TRHDE: variants seen among roughly 807,000 people sequenced by gnomAD.
TRHDE encodes the protein thyrotropin-releasing hormone-degrading ectoenzyme.
Under a neutral mutation model 125.7 loss-of-function variants are expected in TRHDE, and 72 were observed. The ratio of observed to expected loss-of-function variants is 0.57; its 90% CI spans 0.47 to 0.70. The LOEUF (loss-of-function observed/expected upper bound fraction) is 0.70. TRHDE is among the 30% of genes least tolerant of loss of function. TRHDE has a pLI of 0.00. For missense variants in TRHDE, 1,110 were observed against 1,327.1 expected (o/e 0.84, Z 2.54); for synonymous variants, 509 against 509.1 (o/e 1.00, Z 0.00).
At chr12:72,127,712 T>C (rs1304319460) in intron 2 of TRHDE, among the ~76,000 whole-genome samples, 1 of 152,070 alleles carries the variant, frequency 6.6e-6, no homozygotes, top group Non-Finnish European at 1.5e-5. Context: ...GAAAAACCAT[T>C]AGGTACTATG....
At chr12:72,213,313 G>A (rs1877821918) in intron 2 of TRHDE, among the ~76,000 whole-genome samples, 1 of 151,826 alleles carries the variant, frequency 6.6e-6, no homozygotes, top group Non-Finnish European at 1.5e-5. Flanking sequence ...AAACATTGAA[G>A]TGTACACATT....
chr12:72,660,609 G>A (rs1279254293), intron 18 of TRHDE, among the ~76,000 whole-genome samples: 1 of 152,126 alleles, frequency 6.6e-6, no homozygotes, highest in Non-Finnish European at 1.5e-5. Flanking sequence ...CCTAGTTTAT[G>A]TTAGTAATGC....
intron 2 of TRHDE, among the ~76,000 whole-genome samples, chr12:72,370,467 TG>T (rs1210299012): frequency 2.0e-5 from 3 of 152,202 alleles, no homozygotes; most frequent in Non-Finnish European, 1.5e-5. Context: ...GACTTGCTTG[TG>T]CCGACGGTAT....
chr12:72,570,085 G>A (rs545525255), intron 10 of TRHDE, among the ~76,000 whole-genome samples: 20 of 152,246 alleles, frequency 1.3e-4, no homozygotes, highest in Middle Eastern at 3.4e-3. Flanking sequence ...TCTTTGGAAG[G>A]TAGAATGGAA....
At position 72,648,377 on chromosome 12, in the gene TRHDE, T is replaced by C. The variant is rs889218704; in HGVS notation, c.2676-3945T>C. On this transcript the variant is annotated intron_variant, in intron 15 of 18. Coordinates refer to ENST00000261180, the MANE Select transcript of TRHDE (RefSeq NM_013381.3). ...CTCCTTTAACCACTTGTATTAAACATAGTACTGGAAACCTTAGCCAGAGAA... is the reference window on the plus strand; with the variant it reads ...CTCCTTTAACCACTTGTATTAAACACAGTACTGGAAACCTTAGCCAGAGAA... Among the ~76,000 whole-genome samples the C allele has an allele frequency of 3.3e-5, 5 of 152,022 alleles. 1 individual carries two copies. The highest frequency in any genetic ancestry group is 4.1e-4 in the South Asian group (2 of 4,828).
At chr12:72,192,423 G>T (rs1428053844) in intron 2 of TRHDE, among the ~76,000 whole-genome samples, 2 of 152,096 alleles carry the variant, frequency 1.3e-5, no homozygotes, top group African/African-American at 4.8e-5. Context: ...ATAATTAAGA[G>T]AAATTATTTG....
chr12:72,411,616 G>A lies in TRHDE; in HGVS notation c.1315+33495G>A, dbSNP rs777209856. On this transcript the variant is annotated intron_variant, in intron 3 of 18. Transcript: ENST00000261180. Reference sequence around the variant, plus strand: ...TGAATTTCAAATGGAATCTTAGCAGGCTCTTTTGTTCAATTCAACAAGCTT... The same window carrying A: ...TGAATTTCAAATGGAATCTTAGCAGACTCTTTTGTTCAATTCAACAAGCTT... 7.0e-4 allele frequency among the ~76,000 whole-genome samples: 106 copies of A among 151,962 alleles called. 1 individual carries two copies. Among genetic ancestry groups the A allele is most frequent in the Middle Eastern group, 3.4e-3 (1 of 294 alleles).
chr12:72,480,899 A>C (rs1479327321), intron 5 of TRHDE, among the ~76,000 whole-genome samples: 2 of 152,160 alleles, frequency 1.3e-5, no homozygotes, highest in Admixed American at 1.3e-4. Context: ...AATATATAAT[A>C]GTGGCCATAG....
chr12:72,182,646 C>A (rs1877117250), intron 2 of TRHDE, among the ~76,000 whole-genome samples: 1 of 152,130 alleles, frequency 6.6e-6, no homozygotes, highest in Admixed American at 6.5e-5. Context: ...GATCATACCA[C>A]CCTGGTGGAG....
At chr12:72,611,989 A>T (rs1174608624) in intron 12 of TRHDE, among the ~76,000 whole-genome samples, 1 of 152,146 alleles carries the variant, frequency 6.6e-6, no homozygotes, top group Non-Finnish European at 1.5e-5. Flanking sequence ...CGAAGCCCTT[A>T]TTATTTCAGG....
At chr12:72,212,083 CA>C (rs1398614856) in intron 2 of TRHDE, among the ~76,000 whole-genome samples, 1 of 152,024 alleles carries the variant, frequency 6.6e-6, no homozygotes, top group East Asian at 1.9e-4. Flanking sequence ...CATAAACCAG[CA>C]GGCTAGAAGT....
At chr12:72,473,263 C>A in intron 5 of TRHDE, 83 bp downstream of exon 5, 2 of 961,694 alleles carry the variant, frequency 2.1e-6, no homozygotes, top group Non-Finnish European at 3.2e-6. Flanking sequence ...TTAGAGATGA[C>A]TAAAAATACC....
chr12:72,124,550 C>A (rs567152875), intron 2 of TRHDE, among the ~76,000 whole-genome samples: 2 of 152,012 alleles, frequency 1.3e-5, no homozygotes, highest in Non-Finnish European at 2.9e-5. Context: ...GAGATCTAAA[C>A]GTAAAGTCTG....
At chr12:72,451,575 T>A (rs1214512891) in intron 3 of TRHDE, among the ~76,000 whole-genome samples, 1 of 141,628 alleles carries the variant, frequency 7.1e-6, no homozygotes, top group African/African-American at 3.1e-5. Flanking sequence ...TCTGGCTTTG[T>A]TTTTTGTTGT....
chr12:72,399,185 CTG>C (rs1872931099), intron 3 of TRHDE, among the ~76,000 whole-genome samples: 1 of 152,216 alleles, frequency 6.6e-6, no homozygotes, highest in Admixed American at 6.5e-5. Context: ...CCACCTCTGT[CTG>C]TGGAAAAATT....
At chr12:72,375,760 A>G (rs1380322786) in intron 2 of TRHDE, among the ~76,000 whole-genome samples, 3 of 152,306 alleles carry the variant, frequency 2.0e-5, no homozygotes, top group South Asian at 2.1e-4. Context: ...TGGTGATTGT[A>G]TCTTCATTGC....
At chr12:72,140,989 T>G (rs536630489) in intron 2 of TRHDE, among the ~76,000 whole-genome samples, 1 of 150,550 alleles carries the variant, frequency 6.6e-6, no homozygotes, top group Non-Finnish European at 1.5e-5. Flanking sequence ...AAAGCTTTAT[T>G]TTTTTTTTCA....
At chr12:72,190,177 C>T (rs1263724271) in intron 2 of TRHDE, among the ~76,000 whole-genome samples, 1 of 152,154 alleles carries the variant, frequency 6.6e-6, no homozygotes, top group African/African-American at 2.4e-5. Flanking sequence ...TCTATATGAT[C>T]ACTAATAAAT....
chr12:72,634,504 A>G (rs1443939569), intron 15 of TRHDE, among the ~76,000 whole-genome samples: 2 of 150,222 alleles, frequency 1.3e-5, no homozygotes, highest in East Asian at 3.9e-4. Flanking sequence ...TTAATTGTTA[A>G]TTTATTATTA....
Sources: gnomAD v4.1 joint callset for allele counts (sites outside exome capture counted in the v4.1 genomes callset) on GRCh38, gnomAD v4.1.1 for gene constraint, MANE v1.5 for transcripts, NCBI Gene and HGNC (gene_info 2026-07-23, HGNC 2026-07-21) for gene names.